DISP1: variants seen among roughly 807,000 people sequenced by gnomAD.
The protein encoded by DISP1 is dispatched RND transporter family member 1.
DISP1 carries 30 observed loss-of-function variants against 37.3 expected under a neutral mutation model. The observed-to-expected ratio is 0.80, with a 90% CI of 0.60 to 1.09. DISP1 has a LOEUF of 1.09. Ranked by LOEUF, DISP1 falls within the 50% of genes least tolerant of loss-of-function variation. The pLI is 0.00. For synonymous variants in DISP1, 634 were observed against 690.2 expected, an observed-to-expected ratio of 0.92 and a Z score of 1.28; for missense variants, 1,598 against 1,879.5, an observed-to-expected ratio of 0.85 and a Z score of 2.77.
intron 1 of DISP1, among the ~76,000 whole-genome samples, chr1:222,923,499 G>A (rs1378454203): frequency 6.6e-6 from 1 of 152,210 alleles, no homozygotes; most frequent in African/African-American, 2.4e-5. Flanking sequence ...GCAGGAAAAA[G>A]GGTTGGACAC....
intron 3 of DISP1, among the ~76,000 whole-genome samples, chr1:222,968,503 T>A (rs952914921): frequency 4.6e-5 from 7 of 152,166 alleles, no homozygotes; most frequent in Middle Eastern, 6.3e-3. Context: ...CATACCAAGA[T>A]GAATTTGGAC....
chr1:222,993,900 A>G (rs1439634552), intron 7 of DISP1, among the ~76,000 whole-genome samples: 5 of 152,228 alleles, frequency 3.3e-5, no homozygotes, highest in Admixed American at 6.5e-5. Context: ...AAATCAGTCA[A>G]CATGAGATAA....
chr1:222,841,815 G>A lies in DISP1; in HGVS notation c.-159+26737G>A, dbSNP rs184930149. The stretch of plus-strand genomic sequence containing the variant: ...GTAAAATTTGGCATTATTTCAAAAT[G>A]TGATGGAATATGTATGTGTGACTGT... On this transcript the variant is annotated intron_variant, in intron 1 of 8. Coordinates refer to ENST00000675850, the MANE Select transcript of DISP1 (RefSeq NM_001377229.1). Among the ~76,000 whole-genome samples, 163 of 152,242 alleles carry A rather than the reference G, an allele frequency of 1.1e-3. 1 individual carries two copies. Among genetic ancestry groups the A allele is most frequent in the African/African-American group, 3.8e-3 (159 of 41,556 alleles).
At chr1:222,870,251 C>G (rs1433556489) in intron 1 of DISP1, among the ~76,000 whole-genome samples, 1 of 152,096 alleles carries the variant, frequency 6.6e-6, no homozygotes, top group Non-Finnish European at 1.5e-5. Context: ...AATAAACATA[C>G]GTGTGCATGT....
At chr1:222,877,512 T>A (rs1463733452) in intron 1 of DISP1, among the ~76,000 whole-genome samples, 1 of 152,182 alleles carries the variant, frequency 6.6e-6, no homozygotes, top group African/African-American at 2.4e-5. Context: ...TTGGAAATTA[T>A]GGGAGTACAA....
intron 3 of DISP1, among the ~76,000 whole-genome samples, chr1:222,953,848 C>G (rs1017486602): frequency 6.6e-6 from 1 of 152,156 alleles, no homozygotes; most frequent in African/African-American, 2.4e-5. Context: ...TGCTATGCCT[C>G]AAGGAATACA....
At chr1:222,849,430 A>G (rs927061717) in intron 1 of DISP1, among the ~76,000 whole-genome samples, 7 of 151,354 alleles carry the variant, frequency 4.6e-5, no homozygotes, top group African/African-American at 1.5e-4. Context: ...TCTAAATGAA[A>G]ACCACATTGA....
intron 1 of DISP1, among the ~76,000 whole-genome samples, chr1:222,865,699 A>G (rs1370387480): frequency 6.6e-6 from 1 of 152,198 alleles, no homozygotes; most frequent in Non-Finnish European, 1.5e-5. Flanking sequence ...TGGTTTTGTC[A>G]TATCATAGAT....
intron 1 of DISP1, among the ~76,000 whole-genome samples, chr1:222,890,248 G>GAT (rs1670868059): frequency 6.6e-6 from 1 of 152,090 alleles, no homozygotes; most frequent in Non-Finnish European, 1.5e-5. Context: ...GATAATTGTT[G>GAT]AACACCAACT....
chr1:222,886,030 A>G (rs1042001414), intron 1 of DISP1, among the ~76,000 whole-genome samples: 2 of 152,130 alleles, frequency 1.3e-5, no homozygotes, highest in African/African-American at 4.8e-5. Context: ...GCAACTTGGA[A>G]GGAGATGTAT....
Position 223,004,758 on chromosome 1 carries a change from G to T in DISP1, c.3361G>T (p.Ala1121Ser). Residue 1121 changes from alanine to serine, a missense_variant, in exon 9 of 9, where the codon GCT (alanine) becomes TCT (serine). Transcript: ENST00000675850. The surrounding 1 kb of genome is among the most constrained non-coding windows in gnomAD (Gnocchi z 4.9). ...FMMLIMCISWAFATFFFQCMC... is the reference protein window; with the variant it reads ...FMMLIMCISWSFATFFFQCMC... ...GATGCTCATCATGTGTATCAGTTGGGCTTTCGCCACCTTCTTTTTCCAGTG... is the reference window on the plus strand; with the variant it reads ...GATGCTCATCATGTGTATCAGTTGGTCTTTCGCCACCTTCTTTTTCCAGTG... 6.2e-7 allele frequency: 1 copy of T among 1,613,574 alleles called. No individual in the cohort carries two copies. Among genetic ancestry groups the T allele is most frequent in the Non-Finnish European group, 8.5e-7 (1 of 1,180,036 alleles).
chr1:222,902,905 G>T (rs1252464358), intron 1 of DISP1, among the ~76,000 whole-genome samples: 2 of 151,234 alleles, frequency 1.3e-5, no homozygotes, highest in Non-Finnish European at 2.9e-5. Context: ...ATTCCTCAGG[G>T]ATCTAGAACT....
At chr1:222,992,878 T>TTTTTTTTTTTTTTTG (rs1678803004) in intron 7 of DISP1, among the ~76,000 whole-genome samples, 2 of 149,576 alleles carry the variant, frequency 1.3e-5, no homozygotes, top group Non-Finnish European at 3.0e-5. Context: ...TTTTTTTTTT[T>TTTTTTTTTTTTTTTG]GAGACAGAGT....
intron 1 of DISP1, among the ~76,000 whole-genome samples, chr1:222,888,814 TTGTG>T (rs141130475): frequency 1.3e-5 from 2 of 150,602 alleles, no homozygotes; most frequent in African/African-American, 2.4e-5. Context: ...GCTTTGTCAG[TTGTG>T]TGTGTGTGTG....
chr1:222,870,013 C>A (rs962532678), intron 1 of DISP1, among the ~76,000 whole-genome samples: 3 of 151,138 alleles, frequency 2.0e-5, no homozygotes, highest in African/African-American at 7.3e-5. Flanking sequence ...TTGTTCAATT[C>A]CCACCTATGA....
chr1:222,829,759 T>G (rs1665290625), intron 1 of DISP1, among the ~76,000 whole-genome samples: 1 of 152,190 alleles, frequency 6.6e-6, no homozygotes, highest in Non-Finnish European at 1.5e-5. Context: ...AGAAAATAAC[T>G]TTAGAGCAGT....
chr1:222,817,950 A>C (rs1170947653), intron 1 of DISP1, among the ~76,000 whole-genome samples: 28 of 152,272 alleles, frequency 1.8e-4, no homozygotes, highest in Admixed American at 1.8e-3. Context: ...TTATATAAAT[A>C]GACTCAGTTT....
chr1:222,947,645 C>T (rs1674892100), intron 3 of DISP1, among the ~76,000 whole-genome samples: 1 of 152,126 alleles, frequency 6.6e-6, no homozygotes, highest in Non-Finnish European at 1.5e-5. Flanking sequence ...AGTGGCTGCA[C>T]CATTTTACAC....
Position 223,005,793 on chromosome 1 carries a change from C to G in DISP1, c.4396C>G (p.His1466Asp). 6.2e-7 allele frequency: 1 copy of G among 1,614,182 alleles called. No individual in the cohort carries two copies. Among genetic ancestry groups the G allele is most frequent in the South Asian group, 1.1e-5 (1 of 91,082 alleles). ...NQNEPKVLFN[H>D]LMGEAGCRSC... is the part of the protein sequence containing the mutation. ...GAATGAACCAAAAGTCCTATTTAAT[C>G]ATTTAATGGGGGAGGCTGGTTGTAG... Residue 1466 changes from histidine to aspartate, a missense_variant, in exon 9 of 9, where the codon CAT becomes GAT. Transcript: ENST00000675850.
Sources: gnomAD v4.1 joint callset for allele counts (sites outside exome capture counted in the v4.1 genomes callset) on GRCh38, gnomAD v4.1.1 for gene constraint, Gnocchi (gnomAD v3.1) non-coding constraint, MANE v1.5 for transcripts, NCBI Gene and HGNC (gene_info 2026-07-23, HGNC 2026-07-21) for gene names.